Variants in MMRN1 observed in about 807,000 individuals in gnomAD.
MMRN1 encodes the protein multimerin 1, also known as multimerin-1.
MMRN1 carries 94 observed loss-of-function variants against 100.7 expected under a neutral mutation model. The ratio of observed to expected loss-of-function variants is 0.93; its 90% CI spans 0.79 to 1.11. The LOEUF is 1.11. Among genes scored for constraint, MMRN1 ranks in the 50% least tolerant of loss-of-function variants. The probability of loss-of-function intolerance (pLI) is 0.00; values close to 1 mark genes in which losing one functional copy is unlikely to be tolerated. For missense variants in MMRN1, 1,606 were observed against 1,439.1 expected (o/e 1.12, Z -1.88); for synonymous variants, 575 against 505.0 (o/e 1.14, Z -1.86).
chr4:89,888,539 G>T (rs1277062991), intron 1 of MMRN1, among the ~76,000 whole-genome samples: 2 of 150,914 alleles, frequency 1.3e-5, no homozygotes, highest in Admixed American at 6.6e-5. Flanking sequence ...GTCCTATTTA[G>T]TCTCTCTTTT....
At chr4:89,881,245 A>T (rs1720808332) in intron 1 of MMRN1, among the ~76,000 whole-genome samples, 1 of 152,158 alleles carries the variant, frequency 6.6e-6, no homozygotes, top group African/African-American at 2.4e-5. Flanking sequence ...TTAAGTTTAA[A>T]TTCCAATCTG....
upstream of MMRN1, among the ~76,000 whole-genome samples, chr4:89,892,214 G>T (rs1280123976): frequency 6.6e-6 from 1 of 151,492 alleles, no homozygotes; most frequent in Non-Finnish European, 1.5e-5. Flanking sequence ...TAAATTTCAT[G>T]ATTTTTATCT....
At chr4:89,913,489 T>C (rs932505610) in intron 3 of MMRN1, among the ~76,000 whole-genome samples, 3 of 151,326 alleles carry the variant, frequency 2.0e-5, no homozygotes, top group Admixed American at 6.6e-5. Flanking sequence ...TTTATCACTA[T>C]GGTGGACTAC....
chr4:89,903,295 T>C (rs1721449896), intron 1 of MMRN1, among the ~76,000 whole-genome samples: 2 of 151,730 alleles, frequency 1.3e-5, no homozygotes. Flanking sequence ...ATAGATTCTA[T>C]AACACTTTGG....
At chr4:89,930,861 C>T (rs757833137) in intron 5 of MMRN1, among the ~76,000 whole-genome samples, 1 of 151,936 alleles carries the variant, frequency 6.6e-6, no homozygotes, top group African/African-American at 2.4e-5. Context: ...AAATGCTAAG[C>T]AAAATGTAGA....
chr4:89,880,321 G>A (rs568332269), intron 1 of MMRN1, among the ~76,000 whole-genome samples: 1 of 152,204 alleles, frequency 6.6e-6, no homozygotes, highest in East Asian at 1.9e-4. Context: ...GAGTCACTAT[G>A]TCACAAGAGT....
chr4:89,947,823 A>C (rs1016949220), intron 6 of MMRN1, among the ~76,000 whole-genome samples: 5 of 152,076 alleles, frequency 3.3e-5, no homozygotes, highest in African/African-American at 1.2e-4. Flanking sequence ...AAGGAGAAAA[A>C]TAAGTCAGGT....
At chr4:89,944,177 CTTTTGTACA>C (rs1347273479) in intron 6 of MMRN1, among the ~76,000 whole-genome samples, 1 of 152,134 alleles carries the variant, frequency 6.6e-6, no homozygotes, top group East Asian at 1.9e-4. Context: ...CAATTTTTGA[CTTTTGTACA>C]TTTTAATTTT....
intron 1 of MMRN1, among the ~76,000 whole-genome samples, chr4:89,902,734 A>G (rs1721432177): frequency 6.6e-6 from 1 of 152,026 alleles, no homozygotes; most frequent in African/African-American, 2.4e-5. Flanking sequence ...GGTACATAAA[A>G]AAGGGTTTCT....
intron 3 of MMRN1, among the ~76,000 whole-genome samples, chr4:89,921,599 C>T (rs1722091350): frequency 6.6e-6 from 1 of 152,142 alleles, no homozygotes; most frequent in South Asian, 2.1e-4. Context: ...CGCAATCCAT[C>T]CCCTAAATAA....
chr4:89,911,888 T>A (rs1296482823), intron 2 of MMRN1, 56 bp from the exon 3 acceptor site: 1 of 1,206,218 alleles, frequency 8.3e-7, no homozygotes, highest in East Asian at 2.4e-5. Context: ...TTATTCCGGC[T>A]GATAATTTAA....
In MMRN1 at chr4:89,935,939, T is replaced by C; in HGVS notation, c.2259T>C (p.Ser753=). The C allele has an allele frequency of 1.9e-6, 3 of 1,608,664 alleles. No individual in the cohort carries two copies. Among genetic ancestry groups the C allele is most frequent in the Non-Finnish European group, 2.5e-6 (3 of 1,176,502 alleles). ...ACTATGCCCTAAAAGAGACTTTAAGTACTATTAAGGATAATAGTGAGATCC... is the reference window on the plus strand; with the variant it reads ...ACTATGCCCTAAAAGAGACTTTAAGCACTATTAAGGATAATAGTGAGATCC... The part of the protein sequence containing the change: ...QDNYALKETL[S]TIKDNSEIHH... Residue 753 remains serine, a synonymous_variant, in exon 6 of 8, where the codon AGT becomes AGC. Coordinates refer to ENST00000264790, the MANE Select transcript of MMRN1 (RefSeq NM_007351.3).
chr4:89,916,364 G>GA lies in MMRN1; in HGVS notation c.850+4326dup, dbSNP rs33949270. ...AGTACAGTTTTCTCACTTAGATTCT[G>GA]AAAAAAAAAAAACAAACAAACAAAC... On this transcript the variant is annotated intron_variant, in intron 3 of 7. Coordinates refer to ENST00000264790, the MANE Select transcript of MMRN1 (RefSeq NM_007351.3). Among the ~76,000 whole-genome samples, 224 of 138,400 alleles carry GA rather than the reference G, an allele frequency of 1.6e-3. 1 individual carries two copies. The highest frequency in any genetic ancestry group is 5.3e-3 in the African/African-American group (191 of 35,894). 90.8% of individuals were successfully genotyped at this position (138,400 alleles called of 152,430 possible).
At chr4:89,911,182 A>G (rs1275926189) in intron 2 of MMRN1, among the ~76,000 whole-genome samples, 1 of 151,492 alleles carries the variant, frequency 6.6e-6, no homozygotes, top group African/African-American at 2.4e-5. Flanking sequence ...TTAAAGTCAC[A>G]TGGGTAAGAC....
intron 2 of MMRN1, among the ~76,000 whole-genome samples, chr4:89,910,455 T>C (rs1358538123): frequency 1.3e-5 from 2 of 151,490 alleles, no homozygotes; most frequent in Non-Finnish European, 3.0e-5. Flanking sequence ...TTATCTTTTT[T>C]ATGCCTTCTG....
rs192712250 is a variant in MMRN1 at position 89,916,446 on chromosome 4, C to A, written c.850+4396C>A. ...GGGAAACTTTATGAACATGCATGTG[C>A]CCACATGCAATTACATTAATTTTTG... On this transcript the variant is annotated intron_variant, in intron 3 of 7. Coordinates refer to ENST00000264790, the MANE Select transcript of MMRN1 (RefSeq NM_007351.3). 4.3e-3 allele frequency among the ~76,000 whole-genome samples: 645 copies of A among 151,084 alleles called. 2 individuals carry two copies. Among genetic ancestry groups the A allele is most frequent in the Non-Finnish European group, 6.8e-3 (463 of 67,622 alleles).
intron 1 of MMRN1, among the ~76,000 whole-genome samples, chr4:89,903,070 C>T (rs1370563939): frequency 6.6e-6 from 1 of 151,812 alleles, no homozygotes; most frequent in African/African-American, 2.4e-5. Flanking sequence ...ATGTCTAATG[C>T]TTTATTTAAA....
Position 89,915,023 on chromosome 4 carries a change from T to A in MMRN1, c.850+2973T>A, listed in dbSNP as rs867558727. ...GCAGATATTATGAATGCTGACAAAA[T>A]GTGAGCATGTACAAGTGCTGAAATA... On this transcript the variant is annotated intron_variant, in intron 3 of 7. Transcript: ENST00000264790. 9.2e-5 allele frequency among the ~76,000 whole-genome samples: 14 copies of A among 151,682 alleles called. No homozygotes were observed. In the Middle Eastern group the frequency reaches 0.017, roughly 184 times the overall value.
intron 5 of MMRN1, among the ~76,000 whole-genome samples, chr4:89,930,618 A>G (rs1722405642): frequency 6.6e-6 from 1 of 152,086 alleles, no homozygotes; most frequent in Non-Finnish European, 1.5e-5. Context: ...ATTATATTTC[A>G]TCAAGCTTTT....
Sources: allele counts gnomAD v4.1 joint callset (sites outside exome capture counted in the v4.1 genomes callset), GRCh38; gene constraint gnomAD v4.1.1; transcripts MANE v1.5; gene names NCBI Gene and HGNC (gene_info 2026-07-23, HGNC 2026-07-21).